CHRM2: variants seen among roughly 807,000 people sequenced by gnomAD.
CHRM2 encodes muscarinic acetylcholine receptor M2.
CHRM2 carries 8 observed loss-of-function variants against 25.0 expected under a neutral mutation model. The ratio of observed to expected loss-of-function variants is 0.32; its 90% confidence interval spans 0.19 to 0.58. The LOEUF (loss-of-function observed/expected upper bound fraction) is 0.58, where lower values mean the gene tolerates loss of function less well. Among genes scored for constraint, CHRM2 ranks in the 20% least tolerant of loss-of-function variants. The pLI is 0.88. For synonymous variants in CHRM2, 202 were observed against 205.7 expected (o/e 0.98, Z 0.15); for missense variants, 440 against 567.1 (o/e 0.78, Z 2.28).
At chr7:136,958,448 C>CTTTTTTTT (rs56127104) in intron 2 of CHRM2, among the ~76,000 whole-genome samples, 3 of 91,148 alleles carry the variant, frequency 3.3e-5, no homozygotes, top group East Asian at 3.1e-4. Context: ...GCAGTGTCAT[C>CTTTTTTTT]TTTTTTTTTT....
chr7:137,014,006 A>C (rs1316306113), intron 3 of CHRM2, among the ~76,000 whole-genome samples: 7 of 152,144 alleles, frequency 4.6e-5, no homozygotes, highest in African/African-American at 1.2e-4. Flanking sequence ...AACATTCAGA[A>C]AAGTGGTATT....
chr7:136,988,143 G>T (rs1368389882), intron 2 of CHRM2, among the ~76,000 whole-genome samples: 1 of 151,382 alleles, frequency 6.6e-6, no homozygotes, highest in Non-Finnish European at 1.5e-5. Flanking sequence ...TTCCAGGGAA[G>T]GTTCTTTAAT....
chr7:136,891,250 G>A (rs919976305), intron 2 of CHRM2, among the ~76,000 whole-genome samples: 2 of 152,086 alleles, frequency 1.3e-5, no homozygotes, highest in African/African-American at 4.8e-5. Flanking sequence ...TCTGATTGGT[G>A]TCCCATCCAG....
At chr7:136,950,288 G>A (rs893284868) in intron 2 of CHRM2, among the ~76,000 whole-genome samples, 2 of 152,134 alleles carry the variant, frequency 1.3e-5, no homozygotes, top group African/African-American at 4.8e-5. Context: ...GACAAGTGTG[G>A]GTTCTGGGAG....
intron 2 of CHRM2, among the ~76,000 whole-genome samples, chr7:136,875,029 T>TA (rs896919883): frequency 3.3e-5 from 5 of 150,722 alleles, no homozygotes; most frequent in African/African-American, 1.2e-4. Context: ...GCTGAATATA[T>TA]ATATATATAT....
intron 2 of CHRM2, among the ~76,000 whole-genome samples, chr7:136,901,618 T>C (rs550233384): frequency 3.9e-4 from 60 of 152,036 alleles, no homozygotes; most frequent in African/African-American, 1.2e-3. Flanking sequence ...GTCATTTTTT[T>C]CCCCCATTTC....
intron 2 of CHRM2, among the ~76,000 whole-genome samples, chr7:136,875,795 C>A (rs1215067667): frequency 6.6e-6 from 1 of 152,140 alleles, no homozygotes; most frequent in Non-Finnish European, 1.5e-5. Context: ...TCCAACTGCA[C>A]AAGGAAAGAA....
At chr7:136,925,958 C>G (rs1334866931) in intron 2 of CHRM2, among the ~76,000 whole-genome samples, 1 of 152,160 alleles carries the variant, frequency 6.6e-6, no homozygotes, top group Non-Finnish European at 1.5e-5. Flanking sequence ...GTCTAGCTAG[C>G]CAGGCATGGT....
At chr7:136,959,774 G>A (rs1210923689) in intron 2 of CHRM2, among the ~76,000 whole-genome samples, 1 of 152,150 alleles carries the variant, frequency 6.6e-6, no homozygotes, top group Admixed American at 6.5e-5. Flanking sequence ...AGCTGGGCCT[G>A]GTGGTGCATG....
intron 2 of CHRM2, among the ~76,000 whole-genome samples, chr7:136,982,242 T>C (rs1802538477): frequency 6.6e-6 from 1 of 152,200 alleles, no homozygotes; most frequent in Non-Finnish European, 1.5e-5. Context: ...TTAAAGTCTG[T>C]TTTATCAGAG....
At position 136,956,073 on chromosome 7, in the gene CHRM2, T is replaced by A. The variant is rs190424419; in HGVS notation, c.-124-36114T>A. Among the ~76,000 whole-genome samples the A allele has an allele frequency of 2.0e-4, 31 of 152,322 alleles. 1 individual carries two copies. Among genetic ancestry groups the A allele is most frequent in the Admixed American group, 2.0e-3 (31 of 15,294 alleles). On this transcript the variant is annotated intron_variant, in intron 2 of 3. Coordinates refer to ENST00000680005, the MANE Select transcript of CHRM2 (RefSeq NM_001006630.2). ...CAGAAGGAAAAATATTAGATTCCAG[T>A]TCACTCTGATGTATATTTTTAATAG...
At chr7:136,982,758 T>C (rs2130981472) in intron 2 of CHRM2, among the ~76,000 whole-genome samples, 1 of 152,332 alleles carries the variant, frequency 6.6e-6, no homozygotes, top group South Asian at 2.1e-4. Context: ...TTAAGGATAT[T>C]GAATATTGGC....
At chr7:136,948,264 C>CTAT (rs1285079990) in intron 2 of CHRM2, among the ~76,000 whole-genome samples, 8 of 151,444 alleles carry the variant, frequency 5.3e-5, no homozygotes, top group Admixed American at 5.3e-4. Flanking sequence ...GATAGAGGGC[C>CTAT]TATTATGGGG....
At chr7:136,886,071 A>G (rs889576524) in intron 2 of CHRM2, among the ~76,000 whole-genome samples, 8 of 152,200 alleles carry the variant, frequency 5.3e-5, no homozygotes, top group Non-Finnish European at 1.2e-4. Context: ...AAAATCTGTC[A>G]TCGAAGGGAA....
chr7:136,872,627 G>T (rs1354947848), intron 2 of CHRM2, among the ~76,000 whole-genome samples: 1 of 152,188 alleles, frequency 6.6e-6, no homozygotes, highest in East Asian at 1.9e-4. Context: ...GTCCCAGACT[G>T]CTGGCAGGTA....
intron 2 of CHRM2, among the ~76,000 whole-genome samples, chr7:136,901,437 A>AAATTGAAT (rs886553833): frequency 2.5e-4 from 38 of 152,146 alleles, no homozygotes; most frequent in African/African-American, 8.7e-4. Context: ...CAGGAAAAGA[A>AAATTGAAT]AAATGTGTAT....
intron 2 of CHRM2, among the ~76,000 whole-genome samples, chr7:136,986,186 G>C (rs150235290): frequency 3.3e-5 from 5 of 152,202 alleles, no homozygotes; most frequent in Non-Finnish European, 5.9e-5. Flanking sequence ...ACCCACCTCA[G>C]AACTATCTTT....
At chr7:136,924,507 C>T (rs1798631785) in intron 2 of CHRM2, among the ~76,000 whole-genome samples, 1 of 151,986 alleles carries the variant, frequency 6.6e-6, no homozygotes, top group Non-Finnish European at 1.5e-5. Context: ...TGATGGTTTC[C>T]AGCTTCATCC....
chr7:136,962,802 A>G (rs77970196), intron 2 of CHRM2, among the ~76,000 whole-genome samples: 1,650 of 152,132 alleles, frequency 0.011, 33 homozygotes, highest in African/African-American at 0.038. Context: ...CTACTGAAAA[A>G]CCGCCTCATT....
Sources: gnomAD v4.1 joint callset for allele counts (sites outside exome capture counted in the v4.1 genomes callset) on GRCh38, gnomAD v4.1.1 for gene constraint, MANE v1.5 for transcripts, NCBI Gene and HGNC (gene_info 2026-07-23, HGNC 2026-07-21) for gene names.